Variants in SLC24A1 observed in about 807,000 individuals in gnomAD.
SLC24A1 encodes the protein solute carrier family 24 member 1.
A neutral mutation model predicts 88.1 loss-of-function variants in SLC24A1; 52 were observed. That is an observed-to-expected ratio of 0.59 (90% confidence interval 0.47 to 0.74). The LOEUF (loss-of-function observed/expected upper bound fraction) is 0.74. Among genes scored for constraint, SLC24A1 ranks in the 30% least tolerant of loss-of-function variants. The pLI is 0.00. For missense variants in SLC24A1, 1,173 were observed against 1,363.3 expected (o/e 0.86, Z 2.20); for synonymous variants, 455 against 498.0 (o/e 0.91, Z 1.15).
exon 1 of SLC24A1, chr15:65,611,415 A>C: frequency 5.3e-6 from 3 of 563,084 alleles, no homozygotes; most frequent in South Asian, 4.2e-5. Context: ...ATTGCCCTGA[A>C]TCTCTCCCCA....
At chr15:65,620,752 A>G (rs188515045), upstream of SLC24A1, among the ~76,000 whole-genome samples, 15 of 152,352 alleles carry the variant, frequency 9.8e-5, no homozygotes, top group East Asian at 2.7e-3. Flanking sequence ...AATAAACAAC[A>G]TTGTAAAAAT....
At chr15:65,614,367 TATC>T (rs991197118) in intron 2 of SLC24A1, among the ~76,000 whole-genome samples, 3 of 152,224 alleles carry the variant, frequency 2.0e-5, no homozygotes, top group Admixed American at 2.0e-4. Context: ...AAATCCCTAA[TATC>T]ATCAAATATC....
chr15:65,616,866 A>G lies in SLC24A1; in HGVS notation c.-227-2014A>G, dbSNP rs537322107. Among the ~76,000 whole-genome samples, 12 of 152,260 alleles carry G rather than the reference A, an allele frequency of 7.9e-5. No individual in the cohort carries two copies. In the South Asian group the frequency reaches 2.5e-3, roughly 32 times the overall value. ...GGGTTTTTATGGTTTTAGGTCTAAC[A>G]TTTAAGTCTTTAATCCATCTTGAAT... On this transcript the variant is annotated intron_variant, in intron 2 of 11. Coordinates refer to the SLC24A1 transcript ENST00000537259.
At chr15:65,637,899 T>A (rs962730767) in intron 2 of SLC24A1, among the ~76,000 whole-genome samples, 4 of 152,168 alleles carry the variant, frequency 2.6e-5, no homozygotes, top group African/African-American at 9.7e-5. Flanking sequence ...TTGGTGCCAC[T>A]GGACTATGGT....
chr15:65,652,100 G>A (rs926095314), intron 8 of SLC24A1: 4 of 370,816 alleles, frequency 1.1e-5, no homozygotes, highest in Admixed American at 3.8e-5. Flanking sequence ...AGCTTTTTTC[G>A]CCTGCTCTCT....
intron 6 of SLC24A1, among the ~76,000 whole-genome samples, chr15:65,649,207 A>G (rs1372216994): frequency 1.3e-5 from 2 of 151,980 alleles, no homozygotes; most frequent in African/African-American, 2.4e-5. Context: ...GGTTCAAACA[A>G]TTCTGCCTCA....
intron 2 of SLC24A1, among the ~76,000 whole-genome samples, chr15:65,626,348 G>A (rs2074516134): frequency 6.6e-6 from 1 of 152,290 alleles, no homozygotes; most frequent in South Asian, 2.1e-4. Context: ...GTTGGGCTTT[G>A]GAGAATGTCC....
intron 2 of SLC24A1, among the ~76,000 whole-genome samples, chr15:65,635,128 C>T (rs1247620931): frequency 6.6e-6 from 1 of 152,070 alleles, no homozygotes; most frequent in African/African-American, 2.4e-5. Flanking sequence ...CTCTCCTACC[C>T]CTCGGTGTAC....
In SLC24A1 at chr15:65,638,165, A is replaced by T; in HGVS notation, c.1928A>T (p.Asp643Val). 6.2e-7 allele frequency: 1 copy of T among 1,609,614 alleles called. No homozygotes were observed. The highest frequency in any genetic ancestry group is 8.5e-7 in the Non-Finnish European group (1 of 1,177,792). Residue 643 changes from aspartate (D) to valine (V), a missense_variant, in exon 3 of 10, where the codon GAT becomes GTT. Transcript: ENST00000261892. ...DGAIAVDELQ[D>V]NKKLKLPSLL... The stretch of plus-strand genomic sequence containing the variant: ...GCCATTGCGGTGGATGAGCTACAGG[A>T]TAACAAGAAGCTGAAGGTGGGTGCC...
At position 65,653,811 on chromosome 15, in the gene SLC24A1, C is replaced by G. The variant is rs150618833; in HGVS notation, c.3051-19C>G. On this transcript the variant is annotated intron_variant, in intron 9 of 9. Coordinates refer to ENST00000261892, the MANE Select transcript of SLC24A1 (RefSeq NM_004727.3). ...TTATAAACATTAAGGATATTCACAT[C>G]GTTTCTTCAATCTTGCAGCTTGCCT... The G allele has an allele frequency of 1.1e-5, 18 of 1,611,498 alleles. No homozygotes were observed. The highest frequency in any genetic ancestry group is 1.3e-5 in the African/African-American group (1 of 74,852).
upstream of SLC24A1, chr15:65,611,377 G>A (rs1369756393): frequency 3.3e-6 from 2 of 602,362 alleles, no homozygotes; most frequent in Non-Finnish European, 5.9e-6. Flanking sequence ...CTCGAGCCTT[G>A]GCTGGGTTTC....
Position 65,630,478 on chromosome 15 carries a change from C to T in SLC24A1, c.1890+4508C>T, listed in dbSNP as rs184878141. Among the ~76,000 whole-genome samples, 413 of 152,254 alleles carry T rather than the reference C, an allele frequency of 2.7e-3. 3 individuals are homozygous for T. Among genetic ancestry groups the T allele is most frequent in the South Asian group, 1.0e-2 (48 of 4,806 alleles). The stretch of plus-strand genomic sequence containing the variant: ...GGGGCTGTGTGCAGGAAGCAGCCGC[C>T]GAGAACCCCCCCTGCCTCTGTGGGT... On this transcript the variant is annotated intron_variant, in intron 2 of 9. Coordinates refer to ENST00000261892, the MANE Select transcript of SLC24A1 (RefSeq NM_004727.3).
chr15:65,629,983 G>C (rs1566951711), intron 2 of SLC24A1, among the ~76,000 whole-genome samples: 1 of 152,126 alleles, frequency 6.6e-6, no homozygotes, highest in Non-Finnish European at 1.5e-5. Flanking sequence ...ATTTATTTTT[G>C]AGATGAGGTA....
chr15:65,635,467 A>AAAAAG, intron 2 of SLC24A1, among the ~76,000 whole-genome samples: 1 of 150,034 alleles, frequency 6.7e-6, no homozygotes, highest in Non-Finnish European at 1.5e-5. Flanking sequence ...AAAAAAAAAA[A>AAAAAG]AAAGAAAAAA....
chr15:65,614,242 GGA>G (rs1204565221), intron 2 of SLC24A1, among the ~76,000 whole-genome samples: 1 of 151,960 alleles, frequency 6.6e-6, no homozygotes, highest in Non-Finnish European at 1.5e-5. Flanking sequence ...TTATTTTGAT[GGA>G]GATCCCTGAT....
intron 2 of SLC24A1, among the ~76,000 whole-genome samples, chr15:65,632,632 C>T (rs926530600): frequency 7.9e-5 from 12 of 152,146 alleles, no homozygotes; most frequent in African/African-American, 2.7e-4. Context: ...TGGGAGTAAT[C>T]CCTCAAGAAC....
At chr15:65,646,176 G>A (rs752642454) in intron 6 of SLC24A1, among the ~76,000 whole-genome samples, 3 of 152,050 alleles carry the variant, frequency 2.0e-5, no homozygotes, top group Non-Finnish European at 4.4e-5. Flanking sequence ...CAGCCTCATG[G>A]TCTCTTCTTC....
chr15:65,629,416 G>A (rs904002834), intron 2 of SLC24A1, among the ~76,000 whole-genome samples: 8 of 152,172 alleles, frequency 5.3e-5, no homozygotes, highest in African/African-American at 1.9e-4. Context: ...AAAATTCAAA[G>A]CTAAAAATAT....
At chr15:65,641,218 C>G (rs895961831) in intron 4 of SLC24A1, among the ~76,000 whole-genome samples, 1 of 151,738 alleles carries the variant, frequency 6.6e-6, no homozygotes, top group African/African-American at 2.4e-5. Flanking sequence ...ACTAAAAACA[C>G]AAAAATTGGC....
Sources: allele counts gnomAD v4.1 joint callset (sites outside exome capture counted in the v4.1 genomes callset), GRCh38; gene constraint gnomAD v4.1.1; transcripts MANE v1.5; gene names NCBI Gene and HGNC (gene_info 2026-07-23, HGNC 2026-07-21).